Variants in GSE1 observed in about 807,000 individuals in gnomAD.
GSE1 encodes the protein Gse1 coiled-coil protein.
In GSE1, 32 loss-of-function variants were observed where a neutral mutation model predicts 112.6. The ratio of observed to expected loss-of-function variants is 0.28; its 90% CI spans 0.21 to 0.38. The LOEUF (loss-of-function observed/expected upper bound fraction) is 0.38. GSE1 is among the 10% of genes least tolerant of loss of function. GSE1 has a pLI of 1.00. For synonymous variants in GSE1, 1,115 were observed against 735.6 expected (o/e 1.52, Z -8.35); for missense variants, 2,348 against 1,699.2 (o/e 1.38, Z -6.71).
chr16:85,378,286 G>A (rs1443534973), intron 2 of GSE1, among the ~76,000 whole-genome samples: 1 of 152,148 alleles, frequency 6.6e-6, no homozygotes, highest in African/African-American at 2.4e-5. Context: ...AGCTGGGTCG[G>A]TGTCCTCCAT....
chr16:85,415,968 G>T (rs1246426238), intron 2 of GSE1, among the ~76,000 whole-genome samples: 2 of 152,324 alleles, frequency 1.3e-5, no homozygotes, highest in East Asian at 3.9e-4. Context: ...ACAGCCCAGG[G>T]ATACATTAAA....
chr16:85,212,865 T>C (rs2075248717), intron 1 of GSE1, among the ~76,000 whole-genome samples: 1 of 152,154 alleles, frequency 6.6e-6, no homozygotes, highest in Non-Finnish European at 1.5e-5. Flanking sequence ...TGGTGGCTTG[T>C]GCCTGTAATC....
At chr16:85,175,103 A>T (rs1401508188) in intron 1 of GSE1, among the ~76,000 whole-genome samples, 1 of 152,234 alleles carries the variant, frequency 6.6e-6, no homozygotes, top group African/African-American at 2.4e-5. Flanking sequence ...AATCAGCTTT[A>T]AAACACAAGA....
At chr16:85,370,994 C>G (rs916688198) in intron 2 of GSE1, among the ~76,000 whole-genome samples, 2 of 152,210 alleles carry the variant, frequency 1.3e-5, no homozygotes, top group African/African-American at 2.4e-5. Context: ...CTGCGCCCGG[C>G]GGTGGCTGGC....
At chr16:85,550,615 C>T (rs529933888) in intron 2 of GSE1, among the ~76,000 whole-genome samples, 3 of 152,294 alleles carry the variant, frequency 2.0e-5, no homozygotes, top group Admixed American at 2.0e-4. Flanking sequence ...CCACCAGATG[C>T]CAGTGGGCAC....
At chr16:85,661,863 G>C (rs1294103746) in intron 9 of GSE1, 98 bp downstream of exon 9, 6 of 1,250,838 alleles carry the variant, frequency 4.8e-6, no homozygotes, top group African/African-American at 3.0e-5. Flanking sequence ...GTCCACTCCT[G>C]CTTTTTGCCT....
intron 1 of GSE1, among the ~76,000 whole-genome samples, chr16:85,627,222 C>T (rs1206760218): frequency 2.0e-5 from 3 of 151,388 alleles, no homozygotes; most frequent in African/African-American, 7.3e-5. Context: ...CAGACCTTTC[C>T]TGTCTGTGAA....
At chr16:85,671,718 T>C (rs140202854) in intron 15 of GSE1, 1 of 153,570 alleles carries the variant, frequency 6.5e-6, no homozygotes, top group African/African-American at 2.4e-5. Flanking sequence ...TTATTGCCTG[T>C]ATCAGTCTCC....
At chr16:85,391,192 C>T (rs1191441380) in intron 2 of GSE1, among the ~76,000 whole-genome samples, 1 of 152,216 alleles carries the variant, frequency 6.6e-6, no homozygotes, top group Admixed American at 6.5e-5. Context: ...AGAATGGTCC[C>T]AGCAGCCCAC....
chr16:85,255,018 C>T (rs763639716), intron 1 of GSE1, among the ~76,000 whole-genome samples: 171 of 152,336 alleles, frequency 1.1e-3, no homozygotes, highest in Non-Finnish European at 2.0e-3. Context: ...ACCTCTGCCG[C>T]GGGCGGTCTC....
At chr16:85,662,450 G>A (rs1186749729) in intron 9 of GSE1, 1 of 153,690 alleles carries the variant, frequency 6.5e-6, no homozygotes, top group Non-Finnish European at 1.4e-5. Context: ...CTTCCTGGTT[G>A]TTGGTCTAGG....
intron 2 of GSE1, among the ~76,000 whole-genome samples, chr16:85,413,670 A>T (rs2048636702): frequency 6.6e-6 from 1 of 152,102 alleles, no homozygotes; most frequent in Non-Finnish European, 1.5e-5. Flanking sequence ...ACCCCCAAAC[A>T]GCAATTCAAA....
At chr16:85,365,473 A>C (rs574902956) in intron 2 of GSE1, among the ~76,000 whole-genome samples, 8 of 152,336 alleles carry the variant, frequency 5.3e-5, no homozygotes, top group Admixed American at 1.3e-4. Context: ...GAAGGAAGCC[A>C]GCAGAGGGCA....
intron 1 of GSE1, among the ~76,000 whole-genome samples, chr16:85,339,840 G>A (rs1192343762): frequency 2.6e-5 from 4 of 152,248 alleles, no homozygotes; most frequent in East Asian, 1.9e-4. Context: ...GATATACATC[G>A]TCTGTCTTCT....
intron 1 of GSE1, among the ~76,000 whole-genome samples, chr16:85,233,504 G>T (rs1904314811): frequency 6.6e-6 from 1 of 152,176 alleles, no homozygotes; most frequent in African/African-American, 2.4e-5. Flanking sequence ...ATGCACACAT[G>T]TGCCTGTGTG....
chr16:85,196,918 C>T (rs374070830), intron 1 of GSE1, among the ~76,000 whole-genome samples: 59 of 152,208 alleles, frequency 3.9e-4, no homozygotes, highest in African/African-American at 1.1e-3. Context: ...GAATATGTGT[C>T]CAGGACACTT....
chr16:85,267,112 C>G (rs1051785661), intron 1 of GSE1, among the ~76,000 whole-genome samples: 1 of 152,176 alleles, frequency 6.6e-6, no homozygotes, highest in Non-Finnish European at 1.5e-5. Context: ...ATTGCACGAG[C>G]CTTGGTGGGA....
chr16:85,222,298 G>C (rs1001527839), intron 1 of GSE1, among the ~76,000 whole-genome samples: 1 of 152,218 alleles, frequency 6.6e-6, no homozygotes, highest in Non-Finnish European at 1.5e-5. Flanking sequence ...CCCAGGTCCC[G>C]GGCTGGGGCC....
chr16:85,613,247 G>T (rs1490394571), upstream of GSE1: 14 of 1,521,458 alleles, frequency 9.2e-6, no homozygotes, highest in Non-Finnish European at 1.2e-5. Flanking sequence ...GGTGTTTCTT[G>T]GCCGGGGCCC....
Sources: allele counts gnomAD v4.1 joint callset (sites outside exome capture counted in the v4.1 genomes callset), GRCh38; gene constraint gnomAD v4.1.1; transcripts MANE v1.5; gene names NCBI Gene and HGNC (gene_info 2026-07-23, HGNC 2026-07-21).